The following GRHL2 variants were observed in gnomAD, a reference collection of about 807,000 sequenced individuals.
GRHL2 encodes the protein grainyhead-like protein 2 homolog.
Under a neutral mutation model 83.8 loss-of-function variants are expected in GRHL2, and 21 were observed. The ratio of observed to expected loss-of-function variants is 0.25; its 90% CI spans 0.18 to 0.36. The LOEUF (loss-of-function observed/expected upper bound fraction) is 0.36. Ranked by LOEUF, GRHL2 falls within the 10% of genes least tolerant of loss-of-function variation. GRHL2 has a pLI of 1.00. For synonymous variants in GRHL2, 280 were observed against 278.9 expected (o/e 1.00, Z -0.04); for missense variants, 623 against 781.8 (o/e 0.80, Z 2.42).
intron 1 of GRHL2, chr8:101,542,787 A>T (rs1811181524): frequency 2.2e-6 from 1 of 456,586 alleles, no homozygotes; most frequent in Non-Finnish European, 4.4e-6. Flanking sequence ...ATGGGGAAAG[A>T]TGGAAGGGTA....
intron 1 of GRHL2, among the ~76,000 whole-genome samples, chr8:101,522,553 G>A (rs921847135): frequency 1.4e-4 from 21 of 151,972 alleles, no homozygotes; most frequent in African/African-American, 5.1e-4. Flanking sequence ...GTAATCCCAG[G>A]GAAATGGTAT....
At chr8:101,585,788 TG>T (rs1289942814) in intron 7 of GRHL2, among the ~76,000 whole-genome samples, 1 of 152,244 alleles carries the variant, frequency 6.6e-6, no homozygotes, top group African/African-American at 2.4e-5. Context: ...GTTTAATATT[TG>T]TTTAGGCAGA....
intron 8 of GRHL2, among the ~76,000 whole-genome samples, chr8:101,609,962 G>A (rs946002475): frequency 2.0e-5 from 3 of 150,542 alleles, no homozygotes; most frequent in Non-Finnish European, 4.4e-5. Context: ...CGAAAAAGTC[G>A]AGTGAATGAA....
chr8:101,606,066 G>A (rs1812627238), intron 8 of GRHL2, among the ~76,000 whole-genome samples: 1 of 152,142 alleles, frequency 6.6e-6, no homozygotes, highest in African/African-American at 2.4e-5. Context: ...AATTTCCAAA[G>A]CAAGAATGAG....
chr8:101,557,857 A>C (rs935246085), intron 3 of GRHL2, among the ~76,000 whole-genome samples: 2 of 151,794 alleles, frequency 1.3e-5, no homozygotes, highest in Non-Finnish European at 2.9e-5. Context: ...GTTTGATTAG[A>C]TTTAGGGTTA....
chr8:101,509,124 T>C (rs912256121), intron 1 of GRHL2, among the ~76,000 whole-genome samples: 1 of 65,258 alleles, frequency 1.5e-5, no homozygotes, highest in Non-Finnish European at 4.3e-5. Context: ...CTTCCTTCCT[T>C]CCTTCCTTCC....
rs141478730 is a variant in GRHL2 at position 101,497,026 on chromosome 8, G to T, written c.20+4237G>T. Among the ~76,000 whole-genome samples the T allele has an allele frequency of 7.7e-3, 1,166 of 152,274 alleles. 10 individuals are homozygous for T. Among genetic ancestry groups the T allele is most frequent in the Non-Finnish European group, 9.8e-3 (667 of 68,016 alleles). On this transcript the variant is annotated intron_variant, in intron 1 of 15. Transcript: ENST00000646743. The stretch of plus-strand genomic sequence containing the variant: ...TTGTAAGTGGTCTTGGTAATCAAGA[G>T]ATAGTAATACCTAAGGAGTAAATGA...
the GRHL2 span, among the ~76,000 whole-genome samples, chr8:101,675,400 T>C: frequency 6.6e-6 from 1 of 152,078 alleles, no homozygotes; most frequent in Admixed American, 6.6e-5. Context: ...TCACAAGCAT[T>C]CTTATACACC....
chr8:101,645,758 G>A (rs1001186980), intron 13 of GRHL2, among the ~76,000 whole-genome samples: 2 of 147,884 alleles, frequency 1.4e-5, no homozygotes, highest in African/African-American at 2.7e-5. Context: ...TTTATTATTA[G>A]TAACTAGTTA....
chr8:101,644,366 T>C (rs1461885865), intron 13 of GRHL2, 141 bp downstream of exon 13: 1 of 699,466 alleles, frequency 1.4e-6, no homozygotes, highest in Admixed American at 2.1e-5. Flanking sequence ...GTCCACAGTC[T>C]TCTTCTTTGC....
At chr8:101,615,257 C>G (rs973269462) in intron 8 of GRHL2, among the ~76,000 whole-genome samples, 2 of 152,164 alleles carry the variant, frequency 1.3e-5, no homozygotes, top group Non-Finnish European at 2.9e-5. Context: ...TCTGGTGGGT[C>G]TGTCCCACTT....
intron 9 of GRHL2, among the ~76,000 whole-genome samples, chr8:101,628,288 A>G (rs973093414): frequency 1.3e-5 from 2 of 151,954 alleles, no homozygotes; most frequent in African/African-American, 4.8e-5. Context: ...CAAAAATCCT[A>G]GGGTCCCTAA....
intron 8 of GRHL2, among the ~76,000 whole-genome samples, chr8:101,616,184 CTTTT>C (rs1812854314): frequency 7.0e-6 from 1 of 142,540 alleles, no homozygotes; most frequent in Non-Finnish European, 1.5e-5. Flanking sequence ...CTCTCTCTTT[CTTTT>C]TGACAGAGTT....
intron 1 of GRHL2, among the ~76,000 whole-genome samples, chr8:101,524,005 G>A (rs754641987): frequency 1.3e-5 from 2 of 152,128 alleles, no homozygotes; most frequent in African/African-American, 4.8e-5. Flanking sequence ...TTTGTCTTAT[G>A]TTTTCTCTTC....
chr8:101,562,102 T>C, intron 4 of GRHL2: 1 of 674,010 alleles, frequency 1.5e-6, no homozygotes, highest in South Asian at 1.4e-5. Context: ...AAGATGGATG[T>C]TTTGCTTTAC....
intron 1 of GRHL2, among the ~76,000 whole-genome samples, chr8:101,500,652 G>A (rs1225709672): frequency 6.6e-6 from 1 of 152,110 alleles, no homozygotes; most frequent in Non-Finnish European, 1.5e-5. Flanking sequence ...GGGACTATAG[G>A]TGTGCGCCAC....
intron 1 of GRHL2, among the ~76,000 whole-genome samples, chr8:101,521,567 T>G (rs1009286546): frequency 5.9e-5 from 9 of 152,198 alleles, no homozygotes; most frequent in Non-Finnish European, 2.9e-5. Context: ...AGAGACTGGG[T>G]CTGTCTTTTT....
At chr8:101,580,727 G>A (rs1193711081) in intron 7 of GRHL2, among the ~76,000 whole-genome samples, 4 of 151,514 alleles carry the variant, frequency 2.6e-5, no homozygotes, top group Admixed American at 6.6e-5. Context: ...TTTTTGAGAC[G>A]GCATCTTGCT....
chr8:101,677,780 G>A, the GRHL2 span, among the ~76,000 whole-genome samples: 7 of 151,986 alleles, frequency 4.6e-5, no homozygotes, highest in Admixed American at 6.5e-5. Context: ...AGGGTGTCTG[G>A]GACCATACAT....
Sources: gnomAD v4.1 joint callset for allele counts (sites outside exome capture counted in the v4.1 genomes callset) on GRCh38, gnomAD v4.1.1 for gene constraint, MANE v1.5 for transcripts, NCBI Gene and HGNC (gene_info 2026-07-23, HGNC 2026-07-21) for gene names.